SLC35D4: variants seen among roughly 807,000 people sequenced by gnomAD.
SLC35D4 encodes the protein UDP-N-acetylglucosamine transporter SLC35D4.
chr18:23,319,480 G>C, the SLC35D4 span, among the ~76,000 whole-genome samples: 1 of 151,468 alleles, frequency 6.6e-6, no homozygotes, highest in African/African-American at 2.4e-5. Context: ...TTTCGCTCTC[G>C]TTGCCCAGGC....
chr18:23,279,265 A>G, the SLC35D4 span, among the ~76,000 whole-genome samples: 1 of 152,212 alleles, frequency 6.6e-6, no homozygotes, highest in African/African-American at 2.4e-5. Flanking sequence ...TCTTCTACCT[A>G]TCTGAGACTC....
At chr18:23,361,103 C>CAAAAAAAAAAAAAAAAAAAAAA in the SLC35D4 span, among the ~76,000 whole-genome samples, 5 of 94,098 alleles carry the variant, frequency 5.3e-5, no homozygotes, top group Non-Finnish European at 8.3e-5. Context: ...GACTTTGTCT[C>CAAAAAAAAAAAAAAAAAAAAAA]AAAAAAAAAA....
the SLC35D4 span, among the ~76,000 whole-genome samples, chr18:23,366,403 C>A: frequency 6.6e-6 from 1 of 152,168 alleles, no homozygotes; most frequent in Non-Finnish European, 1.5e-5. Context: ...GGCAGCCAAT[C>A]AAATTAGAGA....
the SLC35D4 span, chr18:23,257,081 G>A: frequency 1.2e-6 from 1 of 854,390 alleles, no homozygotes; most frequent in Non-Finnish European, 1.8e-6. Context: ...CACAGCCTGT[G>A]CCTCCCTTTC....
the SLC35D4 span, among the ~76,000 whole-genome samples, chr18:23,353,075 C>CTG: frequency 4.6e-5 from 3 of 65,060 alleles, no homozygotes; most frequent in African/African-American, 1.7e-4. Flanking sequence ...GTGAGACAGA[C>CTG]AGTGTGTGTG....
At chr18:23,370,051 T>C in the SLC35D4 span, among the ~76,000 whole-genome samples, 1 of 152,074 alleles carries the variant, frequency 6.6e-6, no homozygotes, top group East Asian at 1.9e-4. Flanking sequence ...TGGTGGCGCA[T>C]GCCTGTAATC....
the SLC35D4 span, among the ~76,000 whole-genome samples, chr18:23,385,695 T>C: frequency 1.3e-5 from 2 of 152,242 alleles, no homozygotes; most frequent in South Asian, 2.1e-4. Context: ...GGAAACAGGA[T>C]GGTTCTGAGG....
At chr18:23,253,148 G>A in the SLC35D4 span, 1 of 783,044 alleles carries the variant, frequency 1.3e-6, no homozygotes, top group Admixed American at 2.0e-5. Context: ...CTGTCCAGTG[G>A]TCCTTCCTGT....
At chr18:23,422,807 A>G in the SLC35D4 span, among the ~76,000 whole-genome samples, 1 of 29,438 alleles carries the variant, frequency 3.4e-5, no homozygotes, top group African/African-American at 1.6e-4. Flanking sequence ...CAGGTCACAA[A>G]CACCCCTCCC....
chr18:23,278,879 T>C, the SLC35D4 span, among the ~76,000 whole-genome samples: 1 of 151,680 alleles, frequency 6.6e-6, no homozygotes, highest in Non-Finnish European at 1.5e-5. Context: ...CCGGGTGTGG[T>C]GGGGCTCACC....
chr18:23,274,066 G>A, the SLC35D4 span, among the ~76,000 whole-genome samples: 2 of 152,014 alleles, frequency 1.3e-5, no homozygotes, highest in Admixed American at 6.6e-5. Context: ...CCGAGTAGCT[G>A]GGACTACACA....
At chr18:23,400,435 C>T in the SLC35D4 span, among the ~76,000 whole-genome samples, 1 of 152,044 alleles carries the variant, frequency 6.6e-6, no homozygotes, top group African/African-American at 2.4e-5. Flanking sequence ...ACCAGCTTGG[C>T]CAACATGGTG....
chr18:23,430,757 A>G, the SLC35D4 span: 1 of 1,343,350 alleles, frequency 7.4e-7, no homozygotes, highest in South Asian at 1.2e-5. Context: ...CATTTCTATT[A>G]AAAAACATAA....
At chr18:23,364,082 C>G in the SLC35D4 span, among the ~76,000 whole-genome samples, 1 of 152,158 alleles carries the variant, frequency 6.6e-6, no homozygotes, top group Non-Finnish European at 1.5e-5. Context: ...AGCAACAACT[C>G]CCTGAGGATC....
At chr18:23,276,032 C>T in the SLC35D4 span, among the ~76,000 whole-genome samples, 3 of 151,972 alleles carry the variant, frequency 2.0e-5, no homozygotes, top group Non-Finnish European at 4.4e-5. Flanking sequence ...GATGGCTGCA[C>T]AACACTGTGA....
the SLC35D4 span, among the ~76,000 whole-genome samples, chr18:23,411,483 T>TAAGAA: frequency 4.4e-5 from 4 of 91,808 alleles, no homozygotes; most frequent in South Asian, 1.2e-3. Context: ...AAGAAAGAGA[T>TAAGAA]AGAAAGAAAG....
chr18:23,257,476 T>G, the SLC35D4 span: 1 of 1,242,660 alleles, frequency 8.0e-7, no homozygotes, highest in Non-Finnish European at 1.1e-6. Flanking sequence ...AGACTTTTCT[T>G]CCTCTCGACA....
the SLC35D4 span, among the ~76,000 whole-genome samples, chr18:23,370,489 C>A: frequency 6.6e-6 from 1 of 152,178 alleles, no homozygotes; most frequent in African/African-American, 2.4e-5. Context: ...TCAGTCCTTC[C>A]ATTGGTCCCC....
chr18:23,257,116 G>A, the SLC35D4 span: 4 of 1,237,246 alleles, frequency 3.2e-6, no homozygotes, highest in East Asian at 4.8e-5. Context: ...TTTGCCCAAA[G>A]TGGATTTCTC....
Sources: gnomAD v4.1 joint callset for allele counts (sites outside exome capture counted in the v4.1 genomes callset) on GRCh38, gnomAD v4.1.1 for gene constraint, MANE v1.5 for transcripts, NCBI Gene and HGNC (gene_info 2026-07-23, HGNC 2026-07-21) for gene names.